CACNA2D3: variants seen among roughly 807,000 people sequenced by gnomAD.
The protein encoded by CACNA2D3 is voltage-dependent calcium channel subunit alpha-2/delta-3.
CACNA2D3 carries 60 observed loss-of-function variants against 160.6 expected under a neutral mutation model. The observed-to-expected ratio is 0.37, with a 90% confidence interval of 0.30 to 0.46. The LOEUF (loss-of-function observed/expected upper bound fraction) is 0.46. Ranked by LOEUF, CACNA2D3 falls within the 20% of genes least tolerant of loss-of-function variation. The probability of loss-of-function intolerance (pLI) is 1.00; values close to 1 mark genes in which losing one functional copy is unlikely to be tolerated. For synonymous variants in CACNA2D3, 558 were observed against 492.9 expected, an observed-to-expected ratio of 1.13 and a Z score of -1.75; for missense variants, 1,205 against 1,365.0, an observed-to-expected ratio of 0.88 and a Z score of 1.85.
chr3:54,696,765 A>C (rs1401005777), intron 11 of CACNA2D3, among the ~76,000 whole-genome samples: 1 of 152,188 alleles, frequency 6.6e-6, no homozygotes, highest in African/African-American at 2.4e-5. Context: ...CATTTTAAAG[A>C]ATGCTAAAAT....
intron 18 of CACNA2D3, among the ~76,000 whole-genome samples, chr3:54,873,723 C>T (rs2106825796): frequency 6.6e-6 from 1 of 152,264 alleles, no homozygotes; most frequent in East Asian, 1.9e-4. Flanking sequence ...ACAAATTGTT[C>T]TCTGGTTACG....
chr3:54,857,914 C>G (rs570713296), intron 17 of CACNA2D3, among the ~76,000 whole-genome samples: 1 of 152,058 alleles, frequency 6.6e-6, no homozygotes, highest in Non-Finnish European at 1.5e-5. Flanking sequence ...TACCAAGGAG[C>G]CTTGGCTTTA....
At chr3:54,606,688 G>T (rs1698633168) in intron 9 of CACNA2D3, among the ~76,000 whole-genome samples, 1 of 152,156 alleles carries the variant, frequency 6.6e-6, no homozygotes, top group Admixed American at 6.5e-5. Flanking sequence ...ATTCCAGCCT[G>T]CATTTGTGGT....
At chr3:54,822,349 G>A (rs968033305) in intron 14 of CACNA2D3, among the ~76,000 whole-genome samples, 17 of 152,164 alleles carry the variant, frequency 1.1e-4, no homozygotes, top group Non-Finnish European at 2.4e-4. Flanking sequence ...AGCGTGAGAG[G>A]CTCTGTGGAA....
chr3:54,205,630 G>A (rs1472294262), intron 2 of CACNA2D3, among the ~76,000 whole-genome samples: 2 of 152,172 alleles, frequency 1.3e-5, no homozygotes. Context: ...ACTTGATAAT[G>A]CCTATAATTG....
At chr3:54,210,894 C>T (rs1701360359) in intron 2 of CACNA2D3, among the ~76,000 whole-genome samples, 1 of 152,108 alleles carries the variant, frequency 6.6e-6, no homozygotes, top group African/African-American at 2.4e-5. Context: ...AGAAGGGGGA[C>T]TGGGTACCCA....
At chr3:55,040,121 C>G (rs1302833482) in intron 35 of CACNA2D3, among the ~76,000 whole-genome samples, 1 of 152,100 alleles carries the variant, frequency 6.6e-6, no homozygotes, top group Non-Finnish European at 1.5e-5. Context: ...TTGCTGTATC[C>G]TCACGTGATA....
intron 2 of CACNA2D3, among the ~76,000 whole-genome samples, chr3:54,260,193 C>A (rs560330716): frequency 6.6e-6 from 1 of 152,096 alleles, no homozygotes; most frequent in South Asian, 2.1e-4. Flanking sequence ...CTACTGATCT[C>A]TTTTTTCTCT....
chr3:54,972,461 A>G (rs1197670697), intron 29 of CACNA2D3, among the ~76,000 whole-genome samples: 2 of 152,120 alleles, frequency 1.3e-5, no homozygotes, highest in African/African-American at 2.4e-5. Context: ...GTAACTTTTA[A>G]TTAGGCATAT....
intron 13 of CACNA2D3, among the ~76,000 whole-genome samples, chr3:54,800,554 A>G (rs1477297539): frequency 6.6e-6 from 1 of 152,226 alleles, no homozygotes; most frequent in African/African-American, 2.4e-5. Context: ...GAGAATTTTC[A>G]GGACATTATA....
At chr3:54,645,556 C>T (rs1699617391) in intron 11 of CACNA2D3, among the ~76,000 whole-genome samples, 1 of 152,186 alleles carries the variant, frequency 6.6e-6, no homozygotes, top group African/African-American at 2.4e-5. Flanking sequence ...TCTTCATTTC[C>T]TCTCAGCCCA....
At chr3:54,960,379 T>C (rs867483463) in intron 27 of CACNA2D3, among the ~76,000 whole-genome samples, 46 of 152,294 alleles carry the variant, frequency 3.0e-4, no homozygotes, top group African/African-American at 9.6e-4. Context: ...AGAAGTGAAA[T>C]ATGCAATCAT....
At chr3:54,387,513 G>T (rs1034882459) in intron 4 of CACNA2D3, among the ~76,000 whole-genome samples, 1 of 152,154 alleles carries the variant, frequency 6.6e-6, no homozygotes, top group African/African-American at 2.4e-5. Flanking sequence ...TTAGCTGGGC[G>T]TGGTAGCGCA....
chr3:54,423,045 G>C (rs764895069), intron 4 of CACNA2D3, among the ~76,000 whole-genome samples: 1 of 152,166 alleles, frequency 6.6e-6, no homozygotes, highest in Non-Finnish European at 1.5e-5. Flanking sequence ...ACTTTAAAAG[G>C]CAGAGGCAGG....
At chr3:54,797,709 C>A (rs1306584674) in intron 13 of CACNA2D3, among the ~76,000 whole-genome samples, 1 of 152,186 alleles carries the variant, frequency 6.6e-6, no homozygotes, top group African/African-American at 2.4e-5. Flanking sequence ...GTAATGTCCT[C>A]TAAAGATGAG....
At chr3:54,605,614 T>C (rs1167420671) in intron 9 of CACNA2D3, among the ~76,000 whole-genome samples, 1 of 152,192 alleles carries the variant, frequency 6.6e-6, no homozygotes, top group Non-Finnish European at 1.5e-5. Context: ...TATTTTACCT[T>C]AAATATCTTT....
At chr3:54,777,292 C>T (rs560859093) in intron 13 of CACNA2D3, among the ~76,000 whole-genome samples, 89 of 152,180 alleles carry the variant, frequency 5.8e-4, no homozygotes, top group Non-Finnish European at 1.1e-3. Flanking sequence ...GAGAATCACT[C>T]TTGCCTCCCC....
At chr3:54,206,793 TA>T (rs1701284126) in intron 2 of CACNA2D3, among the ~76,000 whole-genome samples, 1 of 152,230 alleles carries the variant, frequency 6.6e-6, no homozygotes, top group Non-Finnish European at 1.5e-5. Context: ...AAGATTCATA[TA>T]ATAGCTGAAT....
chr3:54,309,207 G>T (rs1275300424), intron 2 of CACNA2D3, among the ~76,000 whole-genome samples: 1 of 152,214 alleles, frequency 6.6e-6, no homozygotes, highest in Admixed American at 6.5e-5. Context: ...TTAGTAGACA[G>T]ATTAATTCCC....
Sources: allele counts gnomAD v4.1 joint callset (sites outside exome capture counted in the v4.1 genomes callset), GRCh38; gene constraint gnomAD v4.1.1; transcripts MANE v1.5; gene names NCBI Gene and HGNC (gene_info 2026-07-23, HGNC 2026-07-21).